Variants in RARB observed in about 807,000 individuals in gnomAD.
The protein encoded by RARB is HBV-activated protein.
In RARB, 17 loss-of-function variants were observed where a neutral mutation model predicts 51.9. The observed-to-expected ratio is 0.33, with a 90% confidence interval of 0.22 to 0.49. The LOEUF (loss-of-function observed/expected upper bound fraction) is 0.49. Among genes scored for constraint, RARB ranks in the 20% least tolerant of loss-of-function variants. The pLI is 0.99. For missense variants in RARB, 369 were observed against 550.8 expected (o/e 0.67, Z 3.30); for synonymous variants, 215 against 195.4 (o/e 1.10, Z -0.84).
rs569747230 is a variant in RARB, at chr3:25,014,881, A to C, written c.-379-45244A>C. The stretch of plus-strand genomic sequence containing the variant: ...CCCTCACAAGTTCACCTCTCCTCCT[A>C]TTTTGGTTATATTTCCCTAACTTTG... On this transcript the variant is annotated intron_variant, in intron 2 of 11. Coordinates refer to the RARB transcript ENST00000383772. Among the ~76,000 whole-genome samples, 290 of 152,024 alleles carry C rather than the reference A, an allele frequency of 1.9e-3. 2 individuals carry two copies. Among genetic ancestry groups the C allele is most frequent in the African/African-American group, 6.2e-3 (258 of 41,506 alleles).
chr3:25,119,387 T>C (rs544402877), intron 3 of RARB, among the ~76,000 whole-genome samples: 1 of 152,246 alleles, frequency 6.6e-6, no homozygotes, highest in Non-Finnish European at 1.5e-5. Context: ...TGCTACAGTT[T>C]TGTCAACTGT....
chr3:25,471,109 C>T (rs550089861), intron 2 of RARB, among the ~76,000 whole-genome samples: 4 of 152,208 alleles, frequency 2.6e-5, no homozygotes, highest in African/African-American at 9.6e-5. Flanking sequence ...CATCTAATTA[C>T]ATAGGGCTTG....
At chr3:25,139,356 T>C (rs1700076769) in intron 4 of RARB, among the ~76,000 whole-genome samples, 1 of 152,160 alleles carries the variant, frequency 6.6e-6, no homozygotes, top group Non-Finnish European at 1.5e-5. Context: ...AAATTAAAAG[T>C]GCTACTCCAG....
chr3:24,999,762 T>G (rs1342155433), intron 2 of RARB, among the ~76,000 whole-genome samples: 1 of 152,154 alleles, frequency 6.6e-6, no homozygotes, highest in African/African-American at 2.4e-5. Flanking sequence ...AGATTGCACT[T>G]TACTCATGGT....
chr3:25,001,578 G>C (rs1346786751), intron 2 of RARB, among the ~76,000 whole-genome samples: 1 of 152,114 alleles, frequency 6.6e-6, no homozygotes, highest in East Asian at 1.9e-4. Context: ...TCAGAATTAA[G>C]CCAGAAGATC....
intron 5 of RARB, among the ~76,000 whole-genome samples, chr3:25,403,985 A>AT (rs537957830): frequency 1.0e-4 from 15 of 144,950 alleles, no homozygotes; most frequent in South Asian, 2.2e-4. Context: ...ATATTTCAGG[A>AT]TTTTTTTTTT....
intron 5 of RARB, among the ~76,000 whole-genome samples, chr3:25,334,420 A>G (rs1473836937): frequency 2.0e-5 from 3 of 152,194 alleles, no homozygotes; most frequent in Non-Finnish European, 2.9e-5. Flanking sequence ...TGAGCAAACT[A>G]TTGCAAGGAC....
intron 5 of RARB, among the ~76,000 whole-genome samples, chr3:25,346,509 C>A (rs1206530520): frequency 5.3e-4 from 76 of 143,270 alleles, no homozygotes; most frequent in Non-Finnish European, 4.5e-5. Context: ...TCTCTACTCC[C>A]TGTTTCCTGT....
intron 5 of RARB, among the ~76,000 whole-genome samples, chr3:25,234,412 G>A (rs183927642): frequency 3.9e-5 from 6 of 152,180 alleles, no homozygotes; most frequent in East Asian, 1.9e-4. Context: ...CTCTCTGTTT[G>A]TCAGTCTGGC....
intron 5 of RARB, among the ~76,000 whole-genome samples, chr3:25,363,394 A>C (rs1337633539): frequency 6.6e-6 from 1 of 152,152 alleles, no homozygotes; most frequent in Non-Finnish European, 1.5e-5. Context: ...TATCTAACGT[A>C]GCATGTCCAG....
At chr3:25,404,710 G>T (rs906817227) in intron 5 of RARB, among the ~76,000 whole-genome samples, 1 of 152,088 alleles carries the variant, frequency 6.6e-6, no homozygotes, top group African/African-American at 2.4e-5. Context: ...GTATTTCAAG[G>T]GTTGCCCACA....
At chr3:24,879,700 A>C (rs1703119435) in intron 2 of RARB, among the ~76,000 whole-genome samples, 1 of 152,018 alleles carries the variant, frequency 6.6e-6, no homozygotes, top group Admixed American at 6.5e-5. Context: ...GACTTGAGGG[A>C]TTTAGGATCA....
intron 5 of RARB, among the ~76,000 whole-genome samples, chr3:25,400,128 T>A (rs1428452214): frequency 6.6e-6 from 1 of 152,164 alleles, no homozygotes; most frequent in East Asian, 1.9e-4. Context: ...AGATCATTCT[T>A]GATTGTGCAT....
chr3:25,490,415 G>A lies in RARB; in HGVS notation c.307-10767G>A, dbSNP rs62237653. Among the ~76,000 whole-genome samples the A allele has an allele frequency of 7.7e-3, 1,179 of 152,230 alleles. 1 individual carries two copies. The highest frequency in any genetic ancestry group is 0.011 in the Admixed American group (173 of 15,292). ...CATCGCCATGGTGATGTGCCTTGCC[G>A]TCAACCAGCATGTTATGGTAGAGCC... On this transcript the variant is annotated intron_variant, in intron 2 of 7. Transcript: ENST00000330688.
intron 2 of RARB, among the ~76,000 whole-genome samples, chr3:24,933,617 T>C (rs1451926605): frequency 1.3e-5 from 2 of 152,070 alleles, no homozygotes; most frequent in Non-Finnish European, 2.9e-5. Context: ...CACAGCTGCA[T>C]TCTTCAAGAG....
intron 3 of RARB, among the ~76,000 whole-genome samples, chr3:25,547,833 AT>A (rs1699678067): frequency 6.6e-6 from 1 of 152,222 alleles, no homozygotes; most frequent in Non-Finnish European, 1.5e-5. Context: ...AGACAAAGTC[AT>A]TGTATCCTTT....
At chr3:24,941,075 A>G (rs1229396097) in intron 2 of RARB, among the ~76,000 whole-genome samples, 2 of 152,062 alleles carry the variant, frequency 1.3e-5, no homozygotes, top group African/African-American at 2.4e-5. Context: ...GGAAATTTTT[A>G]TTGTTATTGC....
chr3:25,440,965 A>G (rs1409389615), intron 1 of RARB, among the ~76,000 whole-genome samples: 7 of 152,132 alleles, frequency 4.6e-5, no homozygotes, highest in Non-Finnish European at 7.3e-5. Flanking sequence ...AAAAACTGCC[A>G]ATACCTAATT....
intron 5 of RARB, among the ~76,000 whole-genome samples, chr3:25,255,464 A>G (rs1407448622): frequency 3.3e-5 from 5 of 152,130 alleles, no homozygotes; most frequent in African/African-American, 1.2e-4. Context: ...AAAGGGTACA[A>G]TTACAAATTC....
Sources: allele counts gnomAD v4.1 joint callset (sites outside exome capture counted in the v4.1 genomes callset), GRCh38; gene constraint gnomAD v4.1.1; transcripts MANE v1.5; gene names NCBI Gene and HGNC (gene_info 2026-07-23, HGNC 2026-07-21).